Variants in RALGAPA1 observed in about 807,000 individuals in gnomAD.
RALGAPA1 encodes the protein ral GTPase-activating protein subunit alpha-1.
Under a neutral mutation model 269.6 loss-of-function variants are expected in RALGAPA1, and 52 were observed. The ratio of observed to expected loss-of-function variants is 0.19; its 90% CI spans 0.15 to 0.24. RALGAPA1 has a LOEUF of 0.24. RALGAPA1 is among the 10% of genes least tolerant of loss of function. The pLI, the probability that RALGAPA1 is intolerant of heterozygous loss-of-function variation, is 1.00. For missense variants in RALGAPA1, 1,917 were observed against 3,013.9 expected, an observed-to-expected ratio of 0.64 and a Z score of 8.52; for synonymous variants, 817 against 1,008.3, an observed-to-expected ratio of 0.81 and a Z score of 3.60.
At chr14:35,572,963 C>T (rs2057318618) in intron 37 of RALGAPA1, 1 of 252,960 alleles carries the variant, frequency 4.0e-6, no homozygotes, top group African/African-American at 2.2e-5. Context: ...CACATATAGC[C>T]CAAATACTCT....
In RALGAPA1 at chr14:35,787,771, G is replaced by C. The variant is rs192043933; in HGVS notation, c.107-12026C>G. Among the ~76,000 whole-genome samples, 148 of 151,742 alleles carry C rather than the reference G, an allele frequency of 9.8e-4. 2 individuals carry two copies. The highest frequency in any genetic ancestry group is 5.6e-3 in the Admixed American group (86 of 15,234). On this transcript the variant is annotated intron_variant, in intron 1 of 41. Transcript: ENST00000680220. ...AAAAAAAAAAAAAGTTGTAGAGATG[G>C]GGGTCTCACTATGTCGCCCAGGCTG...
chr14:35,703,695 C>A (rs960545069), intron 16 of RALGAPA1, among the ~76,000 whole-genome samples: 1 of 152,182 alleles, frequency 6.6e-6, no homozygotes, highest in Non-Finnish European at 1.5e-5. Context: ...TAGTTACTGA[C>A]ATTTCTATTA....
At position 35,766,542 on chromosome 14, in the gene RALGAPA1, T is replaced by C. The variant is rs1037469164; in HGVS notation, c.326-3789A>G. On this transcript the variant is annotated intron_variant, in intron 4 of 41. Coordinates refer to ENST00000680220, the MANE Select transcript of RALGAPA1 (RefSeq NM_001346249.2). ...TCTATTGTGCACATCAGAAGCAGCA[T>C]CGAGTATAGCAAGATCTGATGGGCT... 6 of 983,112 alleles carry C rather than the reference T, an allele frequency of 6.1e-6. No homozygotes were observed. The African/African-American group carries it at 8.0e-5, about 13-fold the overall frequency. The allele number at this position is 983,112 out of a possible 1,614,324, so 60.9% of individuals were successfully genotyped here.
chr14:35,700,965 G>T (rs2067294483), intron 16 of RALGAPA1, among the ~76,000 whole-genome samples: 1 of 152,050 alleles, frequency 6.6e-6, no homozygotes, highest in African/African-American at 2.4e-5. Flanking sequence ...AATTTGCAGA[G>T]CATGAAAAAT....
intron 27 of RALGAPA1, among the ~76,000 whole-genome samples, chr14:35,663,808 G>A (rs1168886709): frequency 1.3e-5 from 2 of 151,934 alleles, no homozygotes; most frequent in South Asian, 2.1e-4. Context: ...AGCCAGGATG[G>A]TCTCAATCTC....
At chr14:35,550,761 C>A (rs992564024) in intron 39 of RALGAPA1, among the ~76,000 whole-genome samples, 43 of 152,242 alleles carry the variant, frequency 2.8e-4, no homozygotes, top group African/African-American at 1.0e-3. Flanking sequence ...CCTTGAATCC[C>A]AATTCTATTA....
At chr14:35,662,610 A>C (rs942810905) in intron 27 of RALGAPA1, among the ~76,000 whole-genome samples, 1 of 152,210 alleles carries the variant, frequency 6.6e-6, no homozygotes, top group Admixed American at 6.5e-5. Flanking sequence ...CACAAGGGCC[A>C]ACAGAGAACA....
chr14:35,660,452 G>C (rs982451200), intron 27 of RALGAPA1, among the ~76,000 whole-genome samples: 3 of 151,840 alleles, frequency 2.0e-5, no homozygotes, highest in African/African-American at 7.3e-5. Context: ...TAACAAAAGA[G>C]GTAAAAGACC....
At chr14:35,737,653 G>A (rs527971011) in intron 12 of RALGAPA1, among the ~76,000 whole-genome samples, 13 of 149,990 alleles carry the variant, frequency 8.7e-5, no homozygotes, top group African/African-American at 3.2e-4. Flanking sequence ...CAGCTTCTTG[G>A]GAGGCTGAGG....
intron 35 of RALGAPA1, 90 bp from the exon 36 acceptor site, chr14:35,605,799 C>T (rs1429507689): frequency 4.9e-6 from 7 of 1,416,032 alleles, no homozygotes; most frequent in Non-Finnish European, 6.7e-6. Context: ...AAGTATGTAG[C>T]AATAAAAAGA....
chr14:35,774,291 T>G (rs1296095078), intron 3 of RALGAPA1, among the ~76,000 whole-genome samples: 1 of 152,210 alleles, frequency 6.6e-6, no homozygotes, highest in African/African-American at 2.4e-5. Flanking sequence ...TTATTTTCTA[T>G]GCATATTCCT....
chr14:35,679,671 T>G (rs941685060), intron 21 of RALGAPA1, among the ~76,000 whole-genome samples: 2 of 152,114 alleles, frequency 1.3e-5, no homozygotes, highest in Non-Finnish European at 2.9e-5. Flanking sequence ...AAATTGTAAG[T>G]TGTTAATTAT....
intron 39 of RALGAPA1, among the ~76,000 whole-genome samples, chr14:35,563,735 G>C (rs2056472418): frequency 6.6e-6 from 1 of 152,070 alleles, no homozygotes; most frequent in Non-Finnish European, 1.5e-5. Flanking sequence ...GAATTATAAG[G>C]AATATAACTT....
At chr14:35,694,208 T>G (rs977301847) in intron 17 of RALGAPA1, among the ~76,000 whole-genome samples, 1 of 152,130 alleles carries the variant, frequency 6.6e-6, no homozygotes, top group African/African-American at 2.4e-5. Context: ...AATCATAGAA[T>G]CAAGGGCCAA....
At chr14:35,768,153 C>A (rs1484274069) in intron 4 of RALGAPA1, among the ~76,000 whole-genome samples, 1 of 152,088 alleles carries the variant, frequency 6.6e-6, no homozygotes, top group African/African-American at 2.4e-5. Flanking sequence ...GCTTACTGCA[C>A]CCTTGAATTT....
Position 35,689,919 on chromosome 14 carries a change from C to A in RALGAPA1, c.2492G>T (p.Gly831Val). The part of the protein sequence containing the change: ...QSEETGNEVF[G>V]ALNEEQPLPR... Reference sequence around the variant, plus strand: ...CAATGGCTGCTCCTCATTCAAAGCACCAAAAACTTCATTTCCAGTTTCTTC... The same window carrying A: ...CAATGGCTGCTCCTCATTCAAAGCAACAAAAACTTCATTTCCAGTTTCTTC... Residue 831 changes from glycine to valine, a missense_variant, in exon 18 of 42, where the codon GGT becomes GTT. By Grantham distance (109) the Gly-to-Val change is moderately radical. Coordinates refer to ENST00000680220, the MANE Select transcript of RALGAPA1 (RefSeq NM_001346249.2). 6.2e-7 allele frequency: 1 copy of A among 1,601,306 alleles called. No homozygotes were observed. The highest frequency in any genetic ancestry group is 8.5e-7 in the Non-Finnish European group (1 of 1,175,756).
intron 10 of RALGAPA1, among the ~76,000 whole-genome samples, chr14:35,743,258 T>A (rs1487361232): frequency 6.6e-6 from 1 of 152,080 alleles, no homozygotes; most frequent in African/African-American, 2.4e-5. Context: ...AAATGTGAGA[T>A]AAAAAACAAC....
At chr14:35,735,035 TAA>T (rs143414634) in intron 12 of RALGAPA1, among the ~76,000 whole-genome samples, 91 of 135,328 alleles carry the variant, frequency 6.7e-4, no homozygotes, top group South Asian at 3.0e-3. Context: ...GCCATAATAA[TAA>T]AAAAAAAAAA....
chr14:35,570,628 C>A lies in RALGAPA1; in HGVS notation c.7485G>T (p.Leu2495Phe), dbSNP rs1448949140. The A allele has an allele frequency of 3.7e-6, 6 of 1,602,924 alleles. No individual in the cohort carries two copies. Among genetic ancestry groups the A allele is most frequent in the Non-Finnish European group, 5.1e-6 (6 of 1,176,838 alleles). ...ASRALKSLIP[L>F]YQNFYEERAR... ...TAAAAAAAGGATACAAGTTTTGATA[C>A]AATGGAATCAGAGATTTCAGAGCAC... Residue 2495 changes from leucine (L) to phenylalanine (F), a missense_variant, in exon 39 of 42, where the codon TTG becomes TTT. Transcript: ENST00000680220.
Sources: gnomAD v4.1 joint callset for allele counts (sites outside exome capture counted in the v4.1 genomes callset) on GRCh38, gnomAD v4.1.1 for gene constraint, MANE v1.5 for transcripts, NCBI Gene and HGNC (gene_info 2026-07-23, HGNC 2026-07-21) for gene names.